CDK17: variants seen among roughly 807,000 people sequenced by gnomAD.
CDK17 encodes cyclin dependent kinase 17, also known as cyclin-dependent kinase 17.
CDK17 carries 24 observed loss-of-function variants against 77.6 expected under a neutral mutation model. The ratio of observed to expected loss-of-function variants is 0.31; its 90% CI spans 0.22 to 0.44. The LOEUF is 0.44. Ranked by LOEUF, CDK17 falls within the 20% of genes least tolerant of loss-of-function variation. The probability of loss-of-function intolerance (pLI) is 1.00; values close to 1 mark genes in which losing one functional copy is unlikely to be tolerated. For missense variants in CDK17, 429 were observed against 622.5 expected, an observed-to-expected ratio of 0.69 and a Z score of 3.31; for synonymous variants, 203 against 210.4, an observed-to-expected ratio of 0.96 and a Z score of 0.30.
intron 1 of CDK17, among the ~76,000 whole-genome samples, chr12:96,335,621 G>A (rs1446874085): frequency 6.6e-6 from 1 of 152,176 alleles, no homozygotes; most frequent in African/African-American, 2.4e-5. Context: ...ACAGAACTGA[G>A]ATTTAAAACC....
At position 96,295,000 on chromosome 12, in the gene CDK17, A is replaced by C; in HGVS notation, c.996T>G (p.Phe332Leu). The change falls in exon 10 of 17, where the codon TTT (phenylalanine) becomes TTG (leucine). Residue 332 changes from phenylalanine (F) to leucine (L), a missense_variant and splice_region_variant. Physicochemically the swap from Phe to Leu is conservative, Grantham distance 22. Transcript: ENST00000261211. ...ATAAATATCTCATACATTCCATACC[A>C]AAATCTGCTAGCTTTAATTCTCCTT... ...NEKGELKLAD[F>L]GLARAKSVPT... The C allele has an allele frequency of 1.9e-6, 3 of 1,608,442 alleles. No homozygotes were observed. Among genetic ancestry groups the C allele is most frequent in the Non-Finnish European group, 2.5e-6 (3 of 1,177,702 alleles).
At chr12:96,388,467 G>A (rs771685197) in intron 1 of CDK17, among the ~76,000 whole-genome samples, 20 of 152,094 alleles carry the variant, frequency 1.3e-4, no homozygotes, top group Non-Finnish European at 2.8e-4. Flanking sequence ...CTACAGTTAC[G>A]CTCAAATCTG....
intron 1 of CDK17, among the ~76,000 whole-genome samples, chr12:96,355,901 C>G (rs1378077045): frequency 6.6e-6 from 1 of 152,070 alleles, no homozygotes; most frequent in Non-Finnish European, 1.5e-5. Context: ...ATTTTTTTGA[C>G]TTAGGCTCTG....
At chr12:96,331,822 T>C (rs983705724) in intron 2 of CDK17, among the ~76,000 whole-genome samples, 2 of 152,162 alleles carry the variant, frequency 1.3e-5, no homozygotes, top group Admixed American at 6.5e-5. Flanking sequence ...TGCCTAGATA[T>C]GCAAGAGTAA....
intron 1 of CDK17, 49 bp from the exon 2 acceptor site, chr12:96,334,914 C>T (rs1415582268): frequency 3.8e-6 from 3 of 789,990 alleles, no homozygotes; most frequent in Non-Finnish European, 6.5e-6. Flanking sequence ...TATTTTACCA[C>T]TGAAGAAAAA....
At chr12:96,322,586 A>G (rs1952836665) in intron 3 of CDK17, among the ~76,000 whole-genome samples, 1 of 152,112 alleles carries the variant, frequency 6.6e-6, no homozygotes, top group South Asian at 2.1e-4. Flanking sequence ...CTCTCCATGG[A>G]CAACTTCAGG....
chr12:96,356,602 T>A (rs1565833913), intron 1 of CDK17, among the ~76,000 whole-genome samples: 1 of 152,208 alleles, frequency 6.6e-6, no homozygotes, highest in Non-Finnish European at 1.5e-5. Context: ...TTATTAAGCT[T>A]GTAGAGATCA....
intron 3 of CDK17, among the ~76,000 whole-genome samples, chr12:96,322,240 G>T (rs1167390529): frequency 4.6e-5 from 7 of 152,166 alleles, no homozygotes; most frequent in Non-Finnish European, 8.8e-5. Flanking sequence ...ATCAGGTAAT[G>T]TAACAGCGGC....
At chr12:96,372,717 CTTA>C (rs1373487917) in intron 1 of CDK17, among the ~76,000 whole-genome samples, 1 of 151,498 alleles carries the variant, frequency 6.6e-6, no homozygotes, top group Non-Finnish European at 1.5e-5. Context: ...TCTAATTTTA[CTTA>C]TTTAGGAAAC....
intron 5 of CDK17, among the ~76,000 whole-genome samples, chr12:96,307,155 T>G (rs532684931): frequency 2.0e-5 from 3 of 151,542 alleles, no homozygotes; most frequent in Admixed American, 2.0e-4. Flanking sequence ...ATTAGCCGGG[T>G]GTGGTGGCGC....
chr12:96,368,822 G>A (rs1163175048), intron 1 of CDK17, among the ~76,000 whole-genome samples: 1 of 77,528 alleles, frequency 1.3e-5, no homozygotes, highest in Non-Finnish European at 2.6e-5. Flanking sequence ...GGGGGGGGGG[G>A]GGCACAATGA....
At position 96,400,114 on chromosome 12, in the gene CDK17, C is replaced by G. The variant is rs1477635327; in HGVS notation, c.-158G>C. The G allele has an allele frequency of 2.5e-6, 1 of 392,848 alleles. No homozygotes were observed. Among genetic ancestry groups the G allele is most frequent in the Non-Finnish European group, 4.5e-6 (1 of 222,224 alleles). 24.3% of individuals were successfully genotyped at this position (392,848 alleles called of 1,614,324 possible). A position where few individuals can be genotyped will look rare whatever the true frequency, so the allele number is the denominator to read the frequency against. On this transcript the variant is annotated 5_prime_UTR_variant, in exon 1 of 17. Coordinates refer to ENST00000261211, the MANE Select transcript of CDK17 (RefSeq NM_002595.5). ...GCGGCCGGCAGACGTGAGGCGCTTC[C>G]GAGCGCAGGCCTCCGCCGCCACAGC...
chr12:96,350,886 T>C (rs1462233329), intron 1 of CDK17, among the ~76,000 whole-genome samples: 1 of 152,040 alleles, frequency 6.6e-6, no homozygotes, highest in African/African-American at 2.4e-5. Flanking sequence ...AAATTTAAAA[T>C]GATAGTAAAG....
intron 7 of CDK17, among the ~76,000 whole-genome samples, chr12:96,298,357 A>G (rs1952442566): frequency 6.6e-6 from 1 of 152,104 alleles, no homozygotes; most frequent in African/African-American, 2.4e-5. Context: ...ATAATACTTA[A>G]AATTGTCCCC....
intron 3 of CDK17, among the ~76,000 whole-genome samples, chr12:96,318,949 C>A (rs1441800394): frequency 7.1e-6 from 1 of 141,120 alleles, no homozygotes; most frequent in African/African-American, 2.7e-5. Flanking sequence ...TAACTAAAAT[C>A]AGAGCAGAAC....
chr12:96,304,193 G>A (rs1316191233), intron 5 of CDK17, among the ~76,000 whole-genome samples: 3 of 152,156 alleles, frequency 2.0e-5, no homozygotes, highest in African/African-American at 4.8e-5. Flanking sequence ...GGAAGCTTCT[G>A]TATGTACAGA....
At chr12:96,312,291 A>T (rs1432277740) in intron 4 of CDK17, among the ~76,000 whole-genome samples, 1 of 152,112 alleles carries the variant, frequency 6.6e-6, no homozygotes, top group Admixed American at 6.5e-5. Context: ...ACCAGAAAAA[A>T]ATATATACTA....
chr12:96,289,434 T>C lies in CDK17; in HGVS notation c.998-147A>G, dbSNP rs571859810. On this transcript the variant is annotated intron_variant, in intron 10 of 16. Coordinates refer to ENST00000261211, the MANE Select transcript of CDK17 (RefSeq NM_002595.5). Reference sequence around the variant, plus strand: ...CTTCACCACTATTAACTTTATGAATTCGTTGAGTGCATGTGGCCCTAAGTA... The same window carrying C: ...CTTCACCACTATTAACTTTATGAATCCGTTGAGTGCATGTGGCCCTAAGTA... 42 of 796,604 alleles carry C rather than the reference T, an allele frequency of 5.3e-5. No homozygotes were observed. The South Asian group carries it at 6.5e-4, about 12-fold the overall frequency. 49.3% of individuals were successfully genotyped at this position (796,604 alleles called of 1,614,324 possible). A position where few individuals can be genotyped will look rare whatever the true frequency, so the allele number is the denominator to read the frequency against.
chr12:96,372,278 A>C (rs960291519), intron 1 of CDK17, among the ~76,000 whole-genome samples: 1 of 152,112 alleles, frequency 6.6e-6, no homozygotes, highest in East Asian at 1.9e-4. Context: ...GGGGAAGAAG[A>C]GCTGTGAAGG....
Sources: gnomAD v4.1 joint callset for allele counts (sites outside exome capture counted in the v4.1 genomes callset) on GRCh38, gnomAD v4.1.1 for gene constraint, MANE v1.5 for transcripts, NCBI Gene and HGNC (gene_info 2026-07-23, HGNC 2026-07-21) for gene names.